Variants in MYCBP2 observed in about 807,000 individuals in gnomAD.
MYCBP2 encodes E3 ubiquitin-protein ligase MYCBP2.
In MYCBP2, 120 loss-of-function variants were observed where a neutral mutation model predicts 525.3. The ratio of observed to expected loss-of-function variants is 0.23; its 90% CI spans 0.20 to 0.27. MYCBP2 has a LOEUF of 0.27. MYCBP2 is among the 10% of genes least tolerant of loss of function. The pLI is 1.00. For synonymous variants in MYCBP2, 1,894 were observed against 1,955.8 expected (o/e 0.97, Z 0.83); for missense variants, 4,149 against 5,657.1 (o/e 0.73, Z 8.55).
chr13:77,225,196 T>A (rs983718931), intron 19 of MYCBP2, among the ~76,000 whole-genome samples: 10 of 152,198 alleles, frequency 6.6e-5, no homozygotes, highest in Non-Finnish European at 1.0e-4. Context: ...TCTTGAATTA[T>A]AAAAGAAGTC....
At chr13:77,211,397 T>C (rs937041153) in intron 22 of MYCBP2, 77 bp from the exon 23 acceptor site, 5 of 725,068 alleles carry the variant, frequency 6.9e-6, no homozygotes, top group Admixed American at 4.7e-5. Flanking sequence ...AAAGTAGTAT[T>C]ATCTCCATTT....
chr13:77,187,680 G>A (rs74441316), intron 30 of MYCBP2, among the ~76,000 whole-genome samples: 3,618 of 152,244 alleles, frequency 0.024, 71 homozygotes, highest in Non-Finnish European at 0.037. Context: ...TGTAAGTATC[G>A]TAAGAAACAA....
chr13:77,251,092 T>C, intron 15 of MYCBP2, 59 bp downstream of exon 15: 3 of 1,529,672 alleles, frequency 2.0e-6, no homozygotes, highest in Non-Finnish European at 2.7e-6. Flanking sequence ...TACTCCGGAA[T>C]GATTTTGCAA....
chr13:77,066,259 G>A (rs1458536302), intron 71 of MYCBP2, among the ~76,000 whole-genome samples, 171 bp from the exon 72 acceptor site: 1 of 152,154 alleles, frequency 6.6e-6, no homozygotes, highest in Non-Finnish European at 1.5e-5. Context: ...TCCCAAGACA[G>A]CAGTTAAGGT....
intron 5 of MYCBP2, among the ~76,000 whole-genome samples, chr13:77,272,570 G>A (rs1477336109): frequency 6.6e-6 from 1 of 152,080 alleles, no homozygotes; most frequent in Non-Finnish European, 1.5e-5. Flanking sequence ...AACCCTGAAA[G>A]CATGTCTACA....
rs765263546 is a variant in MYCBP2, at chr13:77,326,622, C to G, written c.154G>C (p.Gly52Arg). 1 of 1,565,144 alleles carries G rather than the reference C, an allele frequency of 6.4e-7. No individual in the cohort carries two copies. The highest frequency in any genetic ancestry group is 1.2e-5 in the South Asian group (1 of 86,720). ...GAGTCCGCGGCGGGTAGCCCCAGCC[C>G]CAGCCCCGCAGCAGCCACGGAGCCG... ...PDGSVAAAGL[G>R]LGLPAADSRG... The change falls in exon 1 of 83, where the codon GGG (glycine) becomes CGG (arginine). Residue 52 changes from glycine to arginine, a missense_variant. Coordinates refer to ENST00000544440, the MANE Select transcript of MYCBP2 (RefSeq NM_015057.5). The surrounding 1 kb of genome is among the most constrained non-coding windows in gnomAD (Gnocchi z 4.2).
intron 54 of MYCBP2, among the ~76,000 whole-genome samples, chr13:77,121,937 T>A (rs2050774486): frequency 6.6e-6 from 1 of 152,128 alleles, no homozygotes; most frequent in African/African-American, 2.4e-5. Flanking sequence ...CCAAAAGGAA[T>A]TTTCATTTGT....
Position 77,126,384 on chromosome 13 carries a change from G to A in MYCBP2, c.7818C>T (p.Cys2606=), listed in dbSNP as rs779025970. 15 of 1,613,778 alleles carry A rather than the reference G, an allele frequency of 9.3e-6. No homozygotes were observed. The highest frequency in any genetic ancestry group is 1.7e-5 in the Admixed American group (1 of 59,976). ...CAATTGGGATACCTCTAAGGTTAGG[G>A]CAGCTTCTGATGTTGTGACCTGAAG... ...TGPSGHNIRS[C]PNLRGIPIGM... The change falls in exon 53 of 83, where the codon TGC becomes TGT. Residue 2606 remains cysteine (C), a synonymous_variant. Coordinates refer to ENST00000544440, the MANE Select transcript of MYCBP2 (RefSeq NM_015057.5).
chr13:77,204,918 G>A (rs1566918209), intron 26 of MYCBP2, among the ~76,000 whole-genome samples: 1 of 114,120 alleles, frequency 8.8e-6, no homozygotes, highest in Non-Finnish European at 1.7e-5. Context: ...GGAGGGGGGA[G>A]GGATAGCATT....
Position 77,264,016 on chromosome 13 carries a change from A to G in MYCBP2, c.1358-14T>C, listed in dbSNP as rs1344937722. On this transcript the variant is annotated splice_polypyrimidine_tract_variant and intron_variant, in intron 8 of 82. Transcript: ENST00000544440. Reference sequence around the variant, plus strand: ...CAGTGTGGCAATCTGTGCAAAAGAAAAAGTATTTATATTACAATACAAGCA... The same window carrying G: ...CAGTGTGGCAATCTGTGCAAAAGAAGAAGTATTTATATTACAATACAAGCA... 3 of 1,606,424 alleles carry G rather than the reference A, an allele frequency of 1.9e-6. No individual in the cohort carries two copies. The highest frequency in any genetic ancestry group is 2.6e-6 in the Non-Finnish European group (3 of 1,174,680).
intron 23 of MYCBP2, among the ~76,000 whole-genome samples, chr13:77,210,203 CTTT>C (rs1172865301): frequency 4.3e-5 from 6 of 138,170 alleles, no homozygotes; most frequent in Non-Finnish European, 4.8e-5. Context: ...ATTTTTTTTT[CTTT>C]TTTTTTTTTT....
rs1555293725 is a variant in MYCBP2, at chr13:77,058,589, G to GC, written c.13141-184_13141-183insG. Among the ~76,000 whole-genome samples the GC allele has an allele frequency of 6.9e-6, 1 of 145,434 alleles. No homozygotes were observed. The highest frequency in any genetic ancestry group is 1.5e-5 in the Non-Finnish European group (1 of 65,914). On this transcript the variant is annotated intron_variant, in intron 77 of 82. Transcript: ENST00000544440. The surrounding 1 kb of genome is among the most constrained non-coding windows in gnomAD (Gnocchi z 4.1). ...AATATAAATTAGGCTTCTTAACAAA[G>GC]TTTTTTTTTTTTGATGCGATTTTTA...
intron 20 of MYCBP2, among the ~76,000 whole-genome samples, chr13:77,221,555 C>A (rs754428241): frequency 6.6e-6 from 1 of 152,124 alleles, no homozygotes; most frequent in Non-Finnish European, 1.5e-5. Flanking sequence ...TCTGGCAAGA[C>A]CATGAAATAC....
intron 78 of MYCBP2, among the ~76,000 whole-genome samples, chr13:77,057,747 C>T (rs2038410753): frequency 6.6e-6 from 1 of 150,966 alleles, no homozygotes; most frequent in East Asian, 1.9e-4. Flanking sequence ...CATAAAGAGG[C>T]AGAATTTGCT....
chr13:77,151,045 T>A, intron 46 of MYCBP2, 96 bp from the exon 47 acceptor site: 1 of 976,720 alleles, frequency 1.0e-6, no homozygotes, highest in Non-Finnish European at 1.5e-6. Context: ...TAATTATGTA[T>A]ACTTTATGTT....
intron 5 of MYCBP2, 32 bp downstream of exon 5, chr13:77,273,440 T>C: frequency 1.3e-6 from 2 of 1,512,416 alleles, no homozygotes; most frequent in Non-Finnish European, 1.8e-6. Flanking sequence ...TGTCATCTTA[T>C]AAACTTCTAA....
chr13:77,085,083 G>A (rs1431424022), intron 62 of MYCBP2, among the ~76,000 whole-genome samples: 1 of 151,960 alleles, frequency 6.6e-6, no homozygotes, highest in Non-Finnish European at 1.5e-5. Flanking sequence ...AAGAACTAAT[G>A]CTGACACTGG....
At chr13:77,054,845 C>A (rs1299055854) in intron 80 of MYCBP2, among the ~76,000 whole-genome samples, 1 of 152,092 alleles carries the variant, frequency 6.6e-6, no homozygotes, top group Non-Finnish European at 1.5e-5. Flanking sequence ...AAGAAATCTG[C>A]CCACCTTGGC....
chr13:77,295,428 A>T (rs1341371300), intron 2 of MYCBP2, among the ~76,000 whole-genome samples: 1 of 152,148 alleles, frequency 6.6e-6, no homozygotes, highest in South Asian at 2.1e-4. Flanking sequence ...CACTGCACCC[A>T]GCCAATGATA....
Sources: allele counts gnomAD v4.1 joint callset (sites outside exome capture counted in the v4.1 genomes callset), GRCh38; gene constraint gnomAD v4.1.1; non-coding constraint Gnocchi (gnomAD v3.1); transcripts MANE v1.5; gene names NCBI Gene and HGNC (gene_info 2026-07-23, HGNC 2026-07-21).